Variants in SGCZ observed in about 807,000 individuals in gnomAD.
SGCZ encodes zeta-sarcoglycan.
In SGCZ, 40 loss-of-function variants were observed where a neutral mutation model predicts 41.3. The observed-to-expected ratio is 0.97, with a 90% CI of 0.75 to 1.26. The LOEUF is 1.26. Ranked by LOEUF, SGCZ falls within the 50% of genes most tolerant of loss-of-function variation. The pLI is 0.00. For synonymous variants in SGCZ, 206 were observed against 137.5 expected (o/e 1.50, Z -3.49); for missense variants, 552 against 369.8 (o/e 1.49, Z -4.04).
chr8:14,455,038 A>C (rs1006239839), intron 2 of SGCZ, among the ~76,000 whole-genome samples: 1 of 152,264 alleles, frequency 6.6e-6, no homozygotes, highest in African/African-American at 2.4e-5. Context: ...TGACTACACA[A>C]ATCTTTTAAA....
At chr8:14,633,734 C>CA (rs538759412) in intron 1 of SGCZ, among the ~76,000 whole-genome samples, 194 of 151,798 alleles carry the variant, frequency 1.3e-3, no homozygotes, top group African/African-American at 4.4e-3. Context: ...GTTTAGCCTC[C>CA]AGGCAGGTAG....
intron 2 of SGCZ, among the ~76,000 whole-genome samples, chr8:14,508,738 T>A (rs1270403249): frequency 6.6e-6 from 1 of 152,182 alleles, no homozygotes; most frequent in East Asian, 1.9e-4. Context: ...TGTCAAGTTT[T>A]AGACTAAATT....
chr8:15,006,185 T>C (rs1325457014), intron 1 of SGCZ, among the ~76,000 whole-genome samples: 1 of 152,186 alleles, frequency 6.6e-6, no homozygotes, highest in African/African-American at 2.4e-5. Flanking sequence ...TTACACAACG[T>C]GGAAGAATAC....
At chr8:14,533,204 C>G (rs1803190586) in intron 2 of SGCZ, among the ~76,000 whole-genome samples, 1 of 151,118 alleles carries the variant, frequency 6.6e-6, no homozygotes, top group Non-Finnish European at 1.5e-5. Flanking sequence ...TCCAAGTGTT[C>G]TCATTGTTCA....
chr8:15,142,807 T>G (rs556148073), intron 1 of SGCZ, among the ~76,000 whole-genome samples: 21 of 152,204 alleles, frequency 1.4e-4, no homozygotes, highest in African/African-American at 4.8e-4. Context: ...GGCAGGGTTT[T>G]GCCATGTTGC....
At chr8:14,178,521 G>C (rs569207102) in intron 4 of SGCZ, among the ~76,000 whole-genome samples, 2 of 152,292 alleles carry the variant, frequency 1.3e-5, no homozygotes, top group South Asian at 2.1e-4. Flanking sequence ...CTCATGACTA[G>C]AGTTCTGAGA....
intron 2 of SGCZ, among the ~76,000 whole-genome samples, chr8:14,493,902 T>A (rs1035998513): frequency 1.3e-5 from 2 of 152,120 alleles, no homozygotes; most frequent in Non-Finnish European, 2.9e-5. Flanking sequence ...TGGCAATAAG[T>A]CTAATGGACT....
chr8:14,823,866 AATAG>A (rs1470846136), intron 1 of SGCZ, among the ~76,000 whole-genome samples: 1 of 152,298 alleles, frequency 6.6e-6, no homozygotes, highest in Admixed American at 6.5e-5. Context: ...GATTATATGG[AATAG>A]ATAGACAATG....
At chr8:15,033,124 G>C (rs1421612225) in intron 1 of SGCZ, among the ~76,000 whole-genome samples, 1 of 151,882 alleles carries the variant, frequency 6.6e-6, no homozygotes, top group South Asian at 2.1e-4. Flanking sequence ...CCTGCTTTAA[G>C]AGTCCCAGGG....
chr8:14,100,854 C>T (rs1191499960), intron 7 of SGCZ, among the ~76,000 whole-genome samples: 1 of 151,724 alleles, frequency 6.6e-6, no homozygotes, highest in African/African-American at 2.4e-5. Flanking sequence ...CAGAACATGC[C>T]TCTCAACTTA....
chr8:14,580,056 C>T (rs1296815221), intron 1 of SGCZ, among the ~76,000 whole-genome samples: 2 of 152,138 alleles, frequency 1.3e-5, no homozygotes, highest in Non-Finnish European at 2.9e-5. Flanking sequence ...CATGCATAGC[C>T]CATTTTACTG....
rs1421618457 is a variant in SGCZ, at chr8:14,367,220, C to G, written c.235-43016G>C. ...CAAAAGTCACCTTTGCTCCAGTTTC[C>G]AAGAAGTTTCTCATCATCACTTGAG... On this transcript the variant is annotated intron_variant, in intron 2 of 7. Coordinates refer to ENST00000382080, the MANE Select transcript of SGCZ (RefSeq NM_139167.4). Among the ~76,000 whole-genome samples the G allele has an allele frequency of 2.6e-5, 4 of 152,004 alleles. No homozygotes were observed. In the East Asian group the frequency reaches 7.7e-4, roughly 29 times the overall value.
intron 1 of SGCZ, among the ~76,000 whole-genome samples, chr8:14,881,692 G>T (rs1804595616): frequency 6.6e-6 from 1 of 152,112 alleles, no homozygotes; most frequent in Non-Finnish European, 1.5e-5. Context: ...AATTAACAAA[G>T]ATATTCAGGA....
chr8:14,515,577 T>C (rs970836028), intron 2 of SGCZ, among the ~76,000 whole-genome samples: 1 of 151,930 alleles, frequency 6.6e-6, no homozygotes. Flanking sequence ...TACTTTTTAG[T>C]TTATTTATAA....
At chr8:14,615,554 T>A (rs1000077882) in intron 1 of SGCZ, among the ~76,000 whole-genome samples, 3 of 152,136 alleles carry the variant, frequency 2.0e-5, no homozygotes, top group Admixed American at 2.0e-4. Context: ...TAAGAAAAAA[T>A]ACACTGAAAA....
At chr8:14,468,834 A>G (rs1396320851) in intron 2 of SGCZ, among the ~76,000 whole-genome samples, 1 of 152,116 alleles carries the variant, frequency 6.6e-6, no homozygotes, top group East Asian at 1.9e-4. Context: ...AAGTAACCTC[A>G]GATAAATCAA....
At chr8:14,381,663 CA>C (rs1804370209) in intron 2 of SGCZ, among the ~76,000 whole-genome samples, 1 of 151,646 alleles carries the variant, frequency 6.6e-6, no homozygotes, top group Admixed American at 6.6e-5. Flanking sequence ...CCTGTAGTCC[CA>C]GCTACTTGTT....
intron 1 of SGCZ, among the ~76,000 whole-genome samples, chr8:15,185,669 T>C (rs756210323): frequency 7.2e-5 from 11 of 152,096 alleles, no homozygotes; most frequent in Non-Finnish European, 1.5e-4. Context: ...TGCCCCAAGT[T>C]CTGTTGGACC....
rs532376805 is a variant in SGCZ, at chr8:14,274,275, G to C, written c.337-36596C>G. On this transcript the variant is annotated intron_variant, in intron 3 of 7. Transcript: ENST00000382080. ...AAGGCATATTCTGACCTCTTTTGTG[G>C]AGTTCACTGGAAATTTCAAGTGAAT... 5.9e-5 allele frequency among the ~76,000 whole-genome samples: 9 copies of C among 152,196 alleles called. No homozygotes were observed. In the East Asian group the frequency reaches 1.5e-3, roughly 26 times the overall value.
Sources: allele counts gnomAD v4.1 joint callset (sites outside exome capture counted in the v4.1 genomes callset), GRCh38; gene constraint gnomAD v4.1.1; transcripts MANE v1.5; gene names NCBI Gene and HGNC (gene_info 2026-07-23, HGNC 2026-07-21).